PFKFB3: variants seen among roughly 807,000 people sequenced by gnomAD.
PFKFB3 encodes 6-phosphofructo-2-kinase/fructose-2,6-bisphosphatase 3.
PFKFB3 carries 33 observed loss-of-function variants against 68.0 expected under a neutral mutation model. That is an observed-to-expected ratio of 0.49 (90% CI 0.37 to 0.65). The LOEUF (loss-of-function observed/expected upper bound fraction) is 0.65. Among genes scored for constraint, PFKFB3 ranks in the 30% least tolerant of loss-of-function variants. The pLI is 0.00. For synonymous variants in PFKFB3, 315 were observed against 288.2 expected, an observed-to-expected ratio of 1.09 and a Z score of -0.94; for missense variants, 586 against 712.2, an observed-to-expected ratio of 0.82 and a Z score of 2.02.
At chr10:6,255,643 C>T (rs928039963), downstream of PFKFB3, among the ~76,000 whole-genome samples, 3 of 152,120 alleles carry the variant, frequency 2.0e-5, no homozygotes, top group East Asian at 1.9e-4. Context: ...GCCAAACAAA[C>T]GATGTAGTTG....
chr10:6,168,951 C>G (rs570639883), intron 1 of PFKFB3, among the ~76,000 whole-genome samples: 4 of 152,156 alleles, frequency 2.6e-5, no homozygotes, highest in Non-Finnish European at 5.9e-5. Context: ...CTAAAAGTCC[C>G]CACTCCTTAT....
chr10:6,284,414 C>T, the PFKFB3 span, among the ~76,000 whole-genome samples: 4 of 152,132 alleles, frequency 2.6e-5, no homozygotes, highest in Non-Finnish European at 5.9e-5. Flanking sequence ...AGAATTGACC[C>T]CTTTATCATT....
chr10:6,239,510 C>T (rs1198251663), downstream of PFKFB3, among the ~76,000 whole-genome samples: 1 of 152,138 alleles, frequency 6.6e-6, no homozygotes. Context: ...AGAGGTTTGT[C>T]AGTGTCCAGA....
chr10:6,215,199 C>A lies in PFKFB3; in HGVS notation c.203-22C>A, dbSNP rs753064727. 8 of 1,605,224 alleles carry A rather than the reference C, an allele frequency of 5.0e-6. No homozygotes were observed. The highest frequency in any genetic ancestry group is 6.8e-6 in the Non-Finnish European group (8 of 1,172,184). ...CCTTCCTCCTGCTCGATCATCCAGA[C>A]TGTTCTCTTTCCCGTCCACAGTGTT... On this transcript the variant is annotated intron_variant, in intron 2 of 14. Coordinates refer to ENST00000379775, the MANE Select transcript of PFKFB3 (RefSeq NM_004566.4). This position sits in a 1 kb window ranked among gnomAD's most constrained non-coding sequence, Gnocchi z 4.3.
Position 6,221,728 on chromosome 10 carries a change from C to A in PFKFB3, c.1066C>A (p.Arg356Ser). Reference sequence around the variant, plus strand: ...GCGGGAGCAGGACAAGTACTATTACCGCTACCCCACCGGGGAGGTGAGCGC... The same window carrying A: ...GCGGGAGCAGGACAAGTACTATTACAGCTACCCCACCGGGGAGGTGAGCGC... ...ALREQDKYYY[R>S]YPTGESYQDL... Residue 356 changes from arginine (R) to serine (S), a missense_variant, in exon 10 of 15, where the codon CGC (arginine) becomes AGC (serine). Coordinates refer to ENST00000379775, the MANE Select transcript of PFKFB3 (RefSeq NM_004566.4). 1 of 1,601,890 alleles carries A rather than the reference C, an allele frequency of 6.2e-7. No homozygotes were observed. The highest frequency in any genetic ancestry group is 8.5e-7 in the Non-Finnish European group (1 of 1,175,344).
At chr10:6,162,732 G>T (rs753378946) in intron 1 of PFKFB3, among the ~76,000 whole-genome samples, 1 of 152,192 alleles carries the variant, frequency 6.6e-6, no homozygotes, top group Non-Finnish European at 1.5e-5. Context: ...GCTGGCTGCT[G>T]TGTCCTTGAC....
At chr10:6,317,505 G>C in the PFKFB3 span, among the ~76,000 whole-genome samples, 31 of 152,132 alleles carry the variant, frequency 2.0e-4, no homozygotes, top group Non-Finnish European at 4.1e-4. Context: ...GGCAAAGGAG[G>C]GAGCAGGAAG....
At chr10:6,150,162 C>A (rs2131675113) in intron 1 of PFKFB3, among the ~76,000 whole-genome samples, 1 of 152,322 alleles carries the variant, frequency 6.6e-6, no homozygotes, top group Admixed American at 6.5e-5. Context: ...CCGGAACACT[C>A]ATTTGTTCTC....
the PFKFB3 span, among the ~76,000 whole-genome samples, chr10:6,275,776 G>A: frequency 2.6e-5 from 4 of 152,078 alleles, no homozygotes; most frequent in African/African-American, 4.8e-5. The surrounding 1 kb of genome is among the most constrained non-coding windows in gnomAD (Gnocchi z 4.9). Flanking sequence ...CACCACGCCC[G>A]GCTAATTTTT....
the PFKFB3 span, among the ~76,000 whole-genome samples, chr10:6,323,694 G>T: frequency 3.9e-4 from 59 of 152,282 alleles, 2 homozygotes; most frequent in South Asian, 0.012. Flanking sequence ...CCAATACGAT[G>T]AAAAGACCAT....
At chr10:6,250,101 A>G (rs559240934) in intron 14 of PFKFB3, among the ~76,000 whole-genome samples, 1 of 152,106 alleles carries the variant, frequency 6.6e-6, no homozygotes, top group South Asian at 2.1e-4. Flanking sequence ...CTACAGGGAA[A>G]GTGTTATGTT....
chr10:6,229,534 G>C lies in PFKFB3; in HGVS notation c.1515+3169G>C, dbSNP rs1024934955. Among the ~76,000 whole-genome samples the C allele has an allele frequency of 6.6e-6, 1 of 152,192 alleles. No individual in the cohort carries two copies. Among genetic ancestry groups the C allele is most frequent in the Non-Finnish European group, 1.5e-5 (1 of 68,032 alleles). On this transcript the variant is annotated intron_variant, in intron 14 of 14. Transcript: ENST00000379775. The surrounding 1 kb of genome is among the most constrained non-coding windows in gnomAD (Gnocchi z 4.3). ...CCCCCACAGCCACCCCCTTGCAGCTGCTTCCCACAGCCAGGCTTTGCTTAC... is the reference window on the plus strand; with the variant it reads ...CCCCCACAGCCACCCCCTTGCAGCTCCTTCCCACAGCCAGGCTTTGCTTAC...
chr10:6,324,676 C>T, the PFKFB3 span, among the ~76,000 whole-genome samples: 1 of 152,070 alleles, frequency 6.6e-6, no homozygotes, highest in African/African-American at 2.4e-5. Context: ...ATGATCCACC[C>T]ACCTCGGCCT....
the PFKFB3 span, among the ~76,000 whole-genome samples, chr10:6,266,408 C>T: frequency 1.3e-5 from 2 of 152,142 alleles, no homozygotes; most frequent in Admixed American, 6.5e-5. Flanking sequence ...ATACTCCAGG[C>T]TCATCTTGTG....
At chr10:6,185,524 C>G (rs890887305) in intron 1 of PFKFB3, among the ~76,000 whole-genome samples, 2 of 152,196 alleles carry the variant, frequency 1.3e-5, no homozygotes, top group Non-Finnish European at 2.9e-5. Flanking sequence ...TCTGGTCTCG[C>G]CCCTCTTCCA....
intron 1 of PFKFB3, among the ~76,000 whole-genome samples, chr10:6,163,032 C>A (rs1361557617): frequency 6.6e-6 from 1 of 152,168 alleles, no homozygotes; most frequent in Non-Finnish European, 1.5e-5. Context: ...CTCTCCTTCC[C>A]CCGTCCCATA....
the PFKFB3 span, among the ~76,000 whole-genome samples, chr10:6,300,712 G>A: frequency 1.4e-3 from 208 of 152,190 alleles, no homozygotes; most frequent in Middle Eastern, 3.4e-3. Flanking sequence ...AGCCAGTCTC[G>A]CGAGGCACCG....
chr10:6,151,047 AG>A lies in PFKFB3; in HGVS notation c.16+6038del. On this transcript the variant is annotated intron_variant, in intron 1 of 14. Coordinates refer to the PFKFB3 transcript ENST00000379789. Reference sequence around the variant, plus strand: ...AAAATTGCCTATCATTCATGACGGCAGGGGAAGAGTTCCAAGATTTCCAGCT... The same window carrying A: ...AAAATTGCCTATCATTCATGACGGCAGGGAAGAGTTCCAAGATTTCCAGCT... Among the ~76,000 whole-genome samples the A allele has an allele frequency of 2.0e-5, 3 of 152,270 alleles. 1 individual carries two copies. Among genetic ancestry groups the A allele is most frequent in the Non-Finnish European group, 4.4e-5 (3 of 68,012 alleles).
At chr10:6,311,141 C>T in the PFKFB3 span, among the ~76,000 whole-genome samples, 1 of 152,218 alleles carries the variant, frequency 6.6e-6, no homozygotes, top group African/African-American at 2.4e-5. Context: ...TGTGGTTTCA[C>T]AGCCTCTCCA....
Sources: gnomAD v4.1 joint callset for allele counts (sites outside exome capture counted in the v4.1 genomes callset) on GRCh38, gnomAD v4.1.1 for gene constraint, Gnocchi (gnomAD v3.1) non-coding constraint, MANE v1.5 for transcripts, NCBI Gene and HGNC (gene_info 2026-07-23, HGNC 2026-07-21) for gene names.